XRCC4: variants seen among roughly 807,000 people sequenced by gnomAD.
XRCC4 encodes the protein X-ray repair cross complementing 4.
Under a neutral mutation model 39.1 loss-of-function variants are expected in XRCC4, and 28 were observed. That is an observed-to-expected ratio of 0.72 (90% CI 0.53 to 0.98). The LOEUF is 0.98. XRCC4 is among the 50% of genes least tolerant of loss of function. The pLI is 0.00. For missense variants in XRCC4, 350 were observed against 376.4 expected, an observed-to-expected ratio of 0.93 and a Z score of 0.58; for synonymous variants, 123 against 126.4, an observed-to-expected ratio of 0.97 and a Z score of 0.18.
intron 7 of XRCC4, among the ~76,000 whole-genome samples, chr5:83,306,461 A>G (rs180807522): frequency 6.7e-4 from 102 of 151,724 alleles, no homozygotes; most frequent in Admixed American, 1.4e-3. Flanking sequence ...GGGCAAAACA[A>G]TAGAAACATT....
At chr5:83,196,675 CATATAT>C (rs1035002081) in intron 4 of XRCC4, among the ~76,000 whole-genome samples, 12 of 150,602 alleles carry the variant, frequency 8.0e-5, no homozygotes, top group African/African-American at 2.9e-4. Flanking sequence ...TATGCACACA[CATATAT>C]ATACAGTGAG....
At position 83,257,376 on chromosome 5, in the gene XRCC4, G is replaced by A. The variant is rs572687688; in HGVS notation, c.746-1154G>A. Among the ~76,000 whole-genome samples, 45 of 148,786 alleles carry A rather than the reference G, an allele frequency of 3.0e-4. No individual in the cohort carries two copies. In the South Asian group the frequency reaches 7.5e-3, roughly 25 times the overall value. On this transcript the variant is annotated intron_variant, in intron 6 of 7. Transcript: ENST00000396027. ...AAAAACCCATTAAAAAGTGGCCGAA[G>A]GATATGAACAGACACTTCTCAAAAG...
intron 4 of XRCC4, among the ~76,000 whole-genome samples, chr5:83,197,883 TC>T (rs1472681806): frequency 6.6e-6 from 1 of 152,234 alleles, no homozygotes; most frequent in East Asian, 1.9e-4. Flanking sequence ...GTATTCCAGA[TC>T]TTAGATTAGT....
At chr5:83,226,215 G>T (rs1368716420) in intron 6 of XRCC4, among the ~76,000 whole-genome samples, 2 of 152,020 alleles carry the variant, frequency 1.3e-5, no homozygotes, top group Non-Finnish European at 2.9e-5. Context: ...GATGTTGTAA[G>T]AGCTGCGGTG....
chr5:83,331,868 C>T lies in XRCC4; in HGVS notation c.894-21263C>T, dbSNP rs537588280. Among the ~76,000 whole-genome samples the T allele has an allele frequency of 3.3e-5, 5 of 152,220 alleles. No homozygotes were observed. The South Asian group carries it at 1.0e-3, about 32-fold the overall frequency. On this transcript the variant is annotated intron_variant, in intron 7 of 7. Transcript: ENST00000396027. The stretch of plus-strand genomic sequence containing the variant: ...TCATAAGGATAATAGAGCAAAGCAG[C>T]AGCAGAAGAGTTGATATCTGAACAT...
chr5:83,175,579 G>T lies in XRCC4; in HGVS notation c.316-20191G>T, dbSNP rs1749915305. On this transcript the variant is annotated intron_variant, in intron 3 of 7. Coordinates refer to ENST00000396027, the MANE Select transcript of XRCC4 (RefSeq NM_003401.5). ...CCAGCACTTTGGGAGGCCAAGGTGG[G>T]AGGATTACTTGAGGGCCAGGAGTTT... is the stretch of plus-strand genomic sequence containing the variant. Among the ~76,000 whole-genome samples, 3 of 152,106 alleles carry T rather than the reference G, an allele frequency of 2.0e-5. No individual in the cohort carries two copies. The East Asian group carries it at 5.8e-4, about 29-fold the overall frequency.
chr5:83,180,734 T>G (rs79554664), intron 3 of XRCC4, among the ~76,000 whole-genome samples: 2,215 of 152,310 alleles, frequency 0.015, 63 homozygotes, highest in African/African-American at 0.051. Flanking sequence ...CATTAGCTTT[T>G]TCAAGAGGTC....
chr5:83,098,762 G>GT (rs1561323961), intron 1 of XRCC4, among the ~76,000 whole-genome samples: 2 of 151,934 alleles, frequency 1.3e-5, no homozygotes, highest in Non-Finnish European at 2.9e-5. Context: ...AAATTATTCA[G>GT]TAAAAAAAAT....
chr5:83,340,183 T>C (rs1756712428), intron 7 of XRCC4, among the ~76,000 whole-genome samples: 1 of 152,214 alleles, frequency 6.6e-6, no homozygotes, highest in Admixed American at 6.5e-5. Context: ...CTTGCTCAAC[T>C]TCTTTCTCTA....
At chr5:83,198,310 A>G (rs917099165) in intron 4 of XRCC4, among the ~76,000 whole-genome samples, 1 of 152,090 alleles carries the variant, frequency 6.6e-6, no homozygotes, top group Non-Finnish European at 1.5e-5. Context: ...GAAGGACACA[A>G]TGTAAGGGAT....
At chr5:83,225,513 C>G (rs1229899094) in intron 6 of XRCC4, among the ~76,000 whole-genome samples, 1 of 150,586 alleles carries the variant, frequency 6.6e-6, no homozygotes, top group African/African-American at 2.4e-5. Flanking sequence ...ACAAAGCCCC[C>G]TTGACTTTCA....
At chr5:83,328,436 C>CA (rs1756336423) in intron 7 of XRCC4, among the ~76,000 whole-genome samples, 1 of 151,814 alleles carries the variant, frequency 6.6e-6, no homozygotes. Flanking sequence ...TGATACATGA[C>CA]AAAAATGCAA....
intron 7 of XRCC4, among the ~76,000 whole-genome samples, chr5:83,320,065 G>A (rs1313355337): frequency 6.7e-6 from 1 of 149,744 alleles, no homozygotes; most frequent in African/African-American, 2.5e-5. Context: ...TAGGGACATG[G>A]ATGAAATTGG....
chr5:83,129,037 T>C (rs1747419690), intron 3 of XRCC4, among the ~76,000 whole-genome samples: 1 of 152,174 alleles, frequency 6.6e-6, no homozygotes, highest in African/African-American at 2.4e-5. Context: ...GTTTTAGTCA[T>C]GAAGTCCTTG....
chr5:83,323,258 A>G (rs987613020), intron 7 of XRCC4, among the ~76,000 whole-genome samples: 5 of 152,184 alleles, frequency 3.3e-5, no homozygotes, highest in Non-Finnish European at 7.3e-5. Context: ...TAGCCCTAAA[A>G]TAATTTTCAT....
chr5:83,113,327 C>A (rs996232181), intron 3 of XRCC4, among the ~76,000 whole-genome samples: 1 of 152,348 alleles, frequency 6.6e-6, no homozygotes, highest in South Asian at 2.1e-4. Flanking sequence ...CAACCTTGAG[C>A]AGCTCCACCC....
At chr5:83,137,675 G>A (rs1040397940) in intron 3 of XRCC4, among the ~76,000 whole-genome samples, 1 of 152,106 alleles carries the variant, frequency 6.6e-6, no homozygotes, top group African/African-American at 2.4e-5. Flanking sequence ...GTCCTCAATT[G>A]TTTTGTTTAT....
At chr5:83,240,647 G>T (rs890403014) in intron 6 of XRCC4, among the ~76,000 whole-genome samples, 1 of 152,078 alleles carries the variant, frequency 6.6e-6, no homozygotes. Context: ...GAAACACTTG[G>T]AACTCTGTAT....
At chr5:83,194,990 A>G (rs1175261913) in intron 3 of XRCC4, among the ~76,000 whole-genome samples, 1 of 152,156 alleles carries the variant, frequency 6.6e-6, no homozygotes. Context: ...TAACTGAATA[A>G]TAATCATCAT....
Sources: gnomAD v4.1 joint callset for allele counts (sites outside exome capture counted in the v4.1 genomes callset) on GRCh38, gnomAD v4.1.1 for gene constraint, MANE v1.5 for transcripts, NCBI Gene and HGNC (gene_info 2026-07-23, HGNC 2026-07-21) for gene names.